Variants in DIP2C observed in about 807,000 individuals in gnomAD.
The protein encoded by DIP2C is DIP2 acetate--CoA ligase C (putative).
Under a neutral mutation model 192.4 loss-of-function variants are expected in DIP2C, and 33 were observed. The observed-to-expected ratio is 0.17, with a 90% CI of 0.13 to 0.23. The LOEUF (loss-of-function observed/expected upper bound fraction) is 0.23, where lower values mean the gene tolerates loss of function less well. Ranked by LOEUF, DIP2C falls within the 10% of genes least tolerant of loss-of-function variation. The pLI, the probability that DIP2C is intolerant of heterozygous loss-of-function variation, is 1.00. For missense variants in DIP2C, 1,537 were observed against 2,110.1 expected (o/e 0.73, Z 5.32); for synonymous variants, 979 against 864.1 (o/e 1.13, Z -2.33).
At chr10:594,657 TG>T (rs142562905) in intron 1 of DIP2C, among the ~76,000 whole-genome samples, 10,308 of 152,212 alleles carry the variant, frequency 0.068, 1,135 homozygotes, top group African/African-American at 0.23. Flanking sequence ...CTCGAGTCCC[TG>T]GCTGCTTCCT....
At chr10:499,211 A>G (rs1845058230) in intron 1 of DIP2C, among the ~76,000 whole-genome samples, 1 of 152,258 alleles carries the variant, frequency 6.6e-6, no homozygotes, top group African/African-American at 2.4e-5. Context: ...TGACCCCTCA[A>G]TGGCTACACA....
At chr10:358,009 G>T in intron 22 of DIP2C, 72 bp from the exon 23 acceptor site, 1 of 1,157,884 alleles carries the variant, frequency 8.6e-7, no homozygotes, top group Non-Finnish European at 1.3e-6. Flanking sequence ...TCCCACTTTG[G>T]TAAAGACCTT....
chr10:419,616 C>T (rs749552486), intron 5 of DIP2C, among the ~76,000 whole-genome samples: 1 of 152,126 alleles, frequency 6.6e-6, no homozygotes, highest in African/African-American at 2.4e-5. Context: ...TTGGGATGTC[C>T]CTTAAGCTCT....
chr10:397,769 A>G (rs1316245957), intron 10 of DIP2C, among the ~76,000 whole-genome samples: 1 of 152,214 alleles, frequency 6.6e-6, no homozygotes, highest in Non-Finnish European at 1.5e-5. Flanking sequence ...AAAACCTTAC[A>G]TTGGTATGAG....
At chr10:596,329 G>A (rs1851694713) in intron 1 of DIP2C, among the ~76,000 whole-genome samples, 1 of 151,676 alleles carries the variant, frequency 6.6e-6, no homozygotes, top group African/African-American at 2.4e-5. Context: ...GGCCAACATG[G>A]TGAAACCCCA....
At chr10:451,001 C>T (rs368453907) in intron 3 of DIP2C, among the ~76,000 whole-genome samples, 3 of 152,250 alleles carry the variant, frequency 2.0e-5, no homozygotes, top group South Asian at 2.1e-4. Flanking sequence ...ATAACGGCAT[C>T]GTCTAAATTC....
Position 555,892 on chromosome 10 carries a change from C to A in DIP2C, c.86-69362G>T, listed in dbSNP as rs112108307. Among the ~76,000 whole-genome samples, 985 of 152,264 alleles carry A rather than the reference C, an allele frequency of 6.5e-3. 10 individuals carry two copies. Among genetic ancestry groups the A allele is most frequent in the African/African-American group, 0.022 (929 of 41,532 alleles). On this transcript the variant is annotated intron_variant, in intron 1 of 36. Transcript: ENST00000280886. Reference sequence around the variant, plus strand: ...CACAGAACACGGTCTTCAGCGAACACCCTTCCTGCATGACCTCCACTGTTG... The same window carrying A: ...CACAGAACACGGTCTTCAGCGAACAACCTTCCTGCATGACCTCCACTGTTG...
intron 1 of DIP2C, among the ~76,000 whole-genome samples, chr10:580,888 G>C (rs529546933): frequency 2.0e-5 from 3 of 152,248 alleles, no homozygotes; most frequent in East Asian, 1.9e-4. Context: ...TCCTAACATA[G>C]TACACGTCAG....
At chr10:545,472 T>C (rs943695173) in intron 1 of DIP2C, among the ~76,000 whole-genome samples, 1 of 152,148 alleles carries the variant, frequency 6.6e-6, no homozygotes, top group Non-Finnish European at 1.5e-5. Flanking sequence ...GGTGTTCTTA[T>C]AATAGAGAAT....
At chr10:591,131 TG>T (rs1167122575) in intron 1 of DIP2C, among the ~76,000 whole-genome samples, 1 of 149,968 alleles carries the variant, frequency 6.7e-6, no homozygotes, top group African/African-American at 2.5e-5. Flanking sequence ...TTTTTTGTTT[TG>T]TTTTTTTTAG....
chr10:533,210 G>A (rs1284828018), intron 1 of DIP2C, among the ~76,000 whole-genome samples: 3 of 152,230 alleles, frequency 2.0e-5, no homozygotes, highest in Admixed American at 2.0e-4. Context: ...AGCATCTCCG[G>A]TATGAGGAGA....
rs1297208973 is a variant in DIP2C, at chr10:415,683, GTAAAA to G, written c.859+81_859+85del. On this transcript the variant is annotated intron_variant, in intron 7 of 36. Coordinates refer to ENST00000280886, the MANE Select transcript of DIP2C (RefSeq NM_014974.3). The stretch of plus-strand genomic sequence containing the variant: ...ATGCCACGATTACTGCTCTTAAAAA[GTAAAA>G]TAGCCTTGCAGAAAAAAATATCATT... 1.9e-6 allele frequency: 3 copies of G among 1,553,810 alleles called. No homozygotes were observed. The South Asian group carries it at 3.6e-5, about 19-fold the overall frequency.
At chr10:646,490 T>C (rs1285322177) in intron 1 of DIP2C, among the ~76,000 whole-genome samples, 1 of 152,250 alleles carries the variant, frequency 6.6e-6, no homozygotes. Context: ...AGGTAGCACC[T>C]GCTCCTGCCG....
At chr10:686,514 T>C (rs1379129603) in intron 1 of DIP2C, among the ~76,000 whole-genome samples, 2 of 152,086 alleles carry the variant, frequency 1.3e-5, no homozygotes, top group African/African-American at 4.8e-5. Flanking sequence ...CATGGCCTCC[T>C]CCCTGGCTCA....
chr10:525,571 T>C (rs1419824048), intron 1 of DIP2C, among the ~76,000 whole-genome samples: 2 of 152,210 alleles, frequency 1.3e-5, no homozygotes. Flanking sequence ...CTGAATATGA[T>C]CTTGGCTGCT....
intron 9 of DIP2C, 74 bp from the exon 10 acceptor site, chr10:399,293 T>A: frequency 8.1e-7 from 1 of 1,229,472 alleles, no homozygotes; most frequent in East Asian, 2.4e-5. Flanking sequence ...AAGAGCTTGG[T>A]TCTAGGTGAG....
chr10:349,040 A>G (rs968202805), intron 25 of DIP2C, among the ~76,000 whole-genome samples: 8 of 152,242 alleles, frequency 5.3e-5, no homozygotes, highest in African/African-American at 1.9e-4. Flanking sequence ...TTTAGTCAAG[A>G]TTTAGGTACT....
chr10:390,464 C>G lies in DIP2C; in HGVS notation c.1385-91G>C, dbSNP rs776572715. The G allele has an allele frequency of 3.2e-6, 4 of 1,268,424 alleles. No individual in the cohort carries two copies. The South Asian group carries it at 3.7e-5, about 12-fold the overall frequency. The allele number at this position is 1,268,424 out of a possible 1,614,324, so 78.6% of individuals were successfully genotyped here. A position where few individuals can be genotyped will look rare whatever the true frequency, so the allele number is the denominator to read the frequency against. On this transcript the variant is annotated intron_variant, in intron 11 of 36. Transcript: ENST00000280886. ...CATTTATGTGGTACCCTTTCAAACACGTCAACTAGATCGAATCTCTGGTGT... is the reference window on the plus strand; with the variant it reads ...CATTTATGTGGTACCCTTTCAAACAGGTCAACTAGATCGAATCTCTGGTGT...
intron 1 of DIP2C, among the ~76,000 whole-genome samples, chr10:521,703 G>C (rs372773919): frequency 1.3e-5 from 2 of 152,332 alleles, no homozygotes; most frequent in African/African-American, 4.8e-5. Flanking sequence ...GGGAAATCCT[G>C]AATGTAGAAC....
Sources: gnomAD v4.1 joint callset for allele counts (sites outside exome capture counted in the v4.1 genomes callset) on GRCh38, gnomAD v4.1.1 for gene constraint, MANE v1.5 for transcripts, NCBI Gene and HGNC (gene_info 2026-07-23, HGNC 2026-07-21) for gene names.